CTNNA3: variants seen among roughly 807,000 people sequenced by gnomAD.
CTNNA3 encodes catenin alpha-3.
A neutral mutation model predicts 95.7 loss-of-function variants in CTNNA3; 76 were observed. The observed-to-expected ratio is 0.79, with a 90% CI of 0.66 to 0.96. The LOEUF (loss-of-function observed/expected upper bound fraction) is 0.96, where lower values mean the gene tolerates loss of function less well. Among genes scored for constraint, CTNNA3 ranks in the 40% least tolerant of loss-of-function variants. The pLI is 0.00. For missense variants in CTNNA3, 1,191 were observed against 1,089.8 expected (o/e 1.09, Z -1.31); for synonymous variants, 431 against 374.4 (o/e 1.15, Z -1.74).
intron 13 of CTNNA3, among the ~76,000 whole-genome samples, chr10:66,176,791 G>A (rs2085735216): frequency 6.6e-6 from 1 of 152,026 alleles, no homozygotes; most frequent in African/African-American, 2.4e-5. Context: ...CTTCAGAACT[G>A]TGAGAAATAA....
intron 5 of CTNNA3, among the ~76,000 whole-genome samples, chr10:67,344,788 C>T (rs910052957): frequency 5.9e-5 from 9 of 151,878 alleles, no homozygotes; most frequent in African/African-American, 1.9e-4. Flanking sequence ...CTTTTTAAAA[C>T]ACCAACTTTT....
intron 1 of CTNNA3, among the ~76,000 whole-genome samples, chr10:67,684,947 G>A (rs1247848257): frequency 2.0e-5 from 3 of 152,164 alleles, no homozygotes; most frequent in Non-Finnish European, 2.9e-5. Context: ...GCGGCATCTT[G>A]TACTATCCCT....
chr10:66,467,031 G>A (rs1911301), intron 11 of CTNNA3, among the ~76,000 whole-genome samples: 22,867 of 152,072 alleles, frequency 0.15, 3,597 homozygotes, highest in East Asian at 0.77. Context: ...CTAGCACACA[G>A]TAGGCATGCA....
chr10:66,020,465 G>C (rs886317938), intron 15 of CTNNA3, among the ~76,000 whole-genome samples: 1 of 152,180 alleles, frequency 6.6e-6, no homozygotes, highest in Non-Finnish European at 1.5e-5. Flanking sequence ...TAGGGCACCT[G>C]TATTCTCAAC....
At position 66,134,046 on chromosome 10, in the gene CTNNA3, T is replaced by C. The variant is rs112781326; in HGVS notation, c.1885-30797A>G. Reference sequence around the variant, plus strand: ...CAACTACAGGCATATTAAACATTAATTGAATGACAAAAACACCACAGTCAA... The same window carrying C: ...CAACTACAGGCATATTAAACATTAACTGAATGACAAAAACACCACAGTCAA... On this transcript the variant is annotated intron_variant, in intron 13 of 17. Coordinates refer to ENST00000433211, the MANE Select transcript of CTNNA3 (RefSeq NM_013266.4). Among the ~76,000 whole-genome samples, 1,023 of 152,192 alleles carry C rather than the reference T, an allele frequency of 6.7e-3. 7 individuals are homozygous for C. The highest frequency in any genetic ancestry group is 0.023 in the African/African-American group (955 of 41,532).
At chr10:66,590,624 A>T (rs10997252) in intron 10 of CTNNA3, among the ~76,000 whole-genome samples, 2 of 151,914 alleles carry the variant, frequency 1.3e-5, no homozygotes, top group Non-Finnish European at 2.9e-5. Context: ...CAGTGAGGGT[A>T]ATTTCATTTA....
intron 5 of CTNNA3, among the ~76,000 whole-genome samples, chr10:67,276,523 A>G (rs1839185826): frequency 6.6e-6 from 1 of 152,170 alleles, no homozygotes; most frequent in South Asian, 2.1e-4. Context: ...AATAAATTAT[A>G]GTATATCCAC....
rs1357327521 is a variant in CTNNA3 at position 65,917,456 on chromosome 10, A to G, written c.*2874T>C. 1 of 56,058 alleles carries G rather than the reference A, an allele frequency of 1.8e-5. No homozygotes were observed. The highest frequency in any genetic ancestry group is 3.3e-5 in the Non-Finnish European group (1 of 29,926). The allele number at this position is 56,058 out of a possible 1,614,324, so 3.5% of individuals were successfully genotyped here. A position where few individuals can be genotyped will look rare whatever the true frequency, so the allele number is the denominator to read the frequency against. On this transcript the variant is annotated 3_prime_UTR_variant, in exon 18 of 18. Transcript: ENST00000433211. ...TTAGAAGGCCATTTAGTGGATTATT[A>G]TTTCGTTTTTTTTTAAATTTTCATT...
chr10:66,259,691 C>T (rs970069254), intron 13 of CTNNA3, among the ~76,000 whole-genome samples: 4 of 152,142 alleles, frequency 2.6e-5, no homozygotes, highest in Admixed American at 2.6e-4. Flanking sequence ...CTGTGGCTAT[C>T]TTAAGATTAT....
chr10:67,749,425 C>T (rs1297821939), intron 1 of CTNNA3, among the ~76,000 whole-genome samples: 2 of 152,192 alleles, frequency 1.3e-5, no homozygotes, highest in African/African-American at 4.8e-5. Flanking sequence ...AAACACTCCT[C>T]AGCAAATGCA....
At chr10:66,444,227 A>G (rs11497937) in intron 11 of CTNNA3, among the ~76,000 whole-genome samples, 58,012 of 151,902 alleles carry the variant, frequency 0.38, 11,649 homozygotes, top group African/African-American at 0.5. Flanking sequence ...CGGGGAGAAT[A>G]GAACCAAGTT....
At chr10:66,164,885 C>T (rs754031816) in intron 13 of CTNNA3, among the ~76,000 whole-genome samples, 1 of 151,888 alleles carries the variant, frequency 6.6e-6, no homozygotes. Flanking sequence ...TGTGATTTGC[C>T]GTTTTTTAAA....
At chr10:65,959,522 T>A (rs2077799640) in intron 17 of CTNNA3, among the ~76,000 whole-genome samples, 3 of 152,122 alleles carry the variant, frequency 2.0e-5, no homozygotes, top group South Asian at 4.2e-4. Context: ...TCTTGGAACC[T>A]CCTCCCTTTT....
intron 1 of CTNNA3, among the ~76,000 whole-genome samples, chr10:67,712,199 T>G (rs531177112): frequency 6.6e-6 from 1 of 152,286 alleles, no homozygotes. Context: ...AATATATGAC[T>G]TGGGTACTGT....
At chr10:66,585,294 G>T (rs1263466853) in intron 10 of CTNNA3, among the ~76,000 whole-genome samples, 1 of 151,810 alleles carries the variant, frequency 6.6e-6, no homozygotes, top group African/African-American at 2.4e-5. Flanking sequence ...TGAAATTTTT[G>T]CTACGTTTTT....
Position 65,988,790 on chromosome 10 carries a change from C to A in CTNNA3, c.2167G>T (p.Gly723Ter). The A allele has an allele frequency of 6.2e-7, 1 of 1,611,734 alleles. No homozygotes were observed. Among genetic ancestry groups the A allele is most frequent in the Non-Finnish European group, 8.5e-7 (1 of 1,178,684 alleles). The change falls in exon 16 of 18, where the codon GGA becomes TGA. Residue 723 changes from glycine (G) to a stop codon, truncating the protein, a stop_gained. Transcript: ENST00000433211. LOFTEE classifies it high-confidence loss of function. ...MEMTDFTRGK[G>*]PLKHTTDVIY... ...ACATCAGTTGTATGCTTTAGTGGTC[C>A]TTTGCCCCTGGAAAAAAATTTATAT... is the stretch of plus-strand genomic sequence containing the variant.
At chr10:66,403,309 T>A (rs1174022834) in intron 11 of CTNNA3, among the ~76,000 whole-genome samples, 3 of 151,204 alleles carry the variant, frequency 2.0e-5, no homozygotes, top group Non-Finnish European at 4.4e-5. Context: ...GGTATATTAG[T>A]CCATTCTTAC....
intron 5 of CTNNA3, among the ~76,000 whole-genome samples, chr10:67,415,705 AG>A (rs1469434944): frequency 6.6e-6 from 1 of 152,220 alleles, no homozygotes; most frequent in Non-Finnish European, 1.5e-5. Flanking sequence ...ACTAAGCAAA[AG>A]GAAAAAAGAC....
At chr10:66,806,206 A>C (rs1841632588) in intron 7 of CTNNA3, among the ~76,000 whole-genome samples, 1 of 151,922 alleles carries the variant, frequency 6.6e-6, no homozygotes, top group Non-Finnish European at 1.5e-5. Context: ...TTAGAGCATG[A>C]TATAAATAAT....
Sources: allele counts gnomAD v4.1 joint callset (sites outside exome capture counted in the v4.1 genomes callset), GRCh38; gene constraint gnomAD v4.1.1; transcripts MANE v1.5; gene names NCBI Gene and HGNC (gene_info 2026-07-23, HGNC 2026-07-21).